SORCS3: variants seen among roughly 807,000 people sequenced by gnomAD.
The protein encoded by SORCS3 is sortilin related VPS10 domain containing receptor 3.
SORCS3 carries 57 observed loss-of-function variants against 146.3 expected under a neutral mutation model. That is an observed-to-expected ratio of 0.39 (90% CI 0.31 to 0.49). The LOEUF (loss-of-function observed/expected upper bound fraction) is 0.49, where lower values mean the gene tolerates loss of function less well. Among genes scored for constraint, SORCS3 ranks in the 20% least tolerant of loss-of-function variants. The pLI is 0.92. For synonymous variants in SORCS3, 653 were observed against 618.5 expected, an observed-to-expected ratio of 1.06 and a Z score of -0.83; for missense variants, 1,341 against 1,575.5, an observed-to-expected ratio of 0.85 and a Z score of 2.52.
intron 20 of SORCS3, among the ~76,000 whole-genome samples, chr10:105,232,654 T>A (rs888240932): frequency 1.3e-5 from 2 of 151,928 alleles, no homozygotes; most frequent in African/African-American, 4.8e-5. Context: ...TTTTAATATA[T>A]ACACTCAATG....
intron 19 of SORCS3, among the ~76,000 whole-genome samples, chr10:105,218,611 T>A (rs951808193): frequency 6.6e-6 from 1 of 152,234 alleles, no homozygotes; most frequent in East Asian, 1.9e-4. Flanking sequence ...ACGGTGTTCA[T>A]GAGCCCAGGC....
At chr10:104,973,692 T>A (rs182137280) in intron 3 of SORCS3, among the ~76,000 whole-genome samples, 236 of 151,116 alleles carry the variant, frequency 1.6e-3, no homozygotes, top group African/African-American at 5.6e-3. Context: ...TGTCTCTGTT[T>A]CCTTCAGTTC....
chr10:104,813,486 C>T (rs1424021070), intron 1 of SORCS3, among the ~76,000 whole-genome samples: 3 of 152,140 alleles, frequency 2.0e-5, no homozygotes, highest in Non-Finnish European at 4.4e-5. Flanking sequence ...GATGGGATCA[C>T]AGAAGGGGCT....
At chr10:104,642,643 C>T (rs569980048) in intron 1 of SORCS3, among the ~76,000 whole-genome samples, 41 of 152,308 alleles carry the variant, frequency 2.7e-4, no homozygotes, top group Middle Eastern at 6.8e-3. Context: ...AAATTCCACA[C>T]CCATCCAGCG....
rs1439266019 is a variant in SORCS3 at position 105,245,645 on chromosome 10, C to A, written c.2972C>A (p.Thr991Lys). ...VAAGNALIQDTKEIAVHEYFQ... is the reference protein window; with the variant it reads ...VAAGNALIQDKKEIAVHEYFQ... ...GCTGGGAATGCCCTCATCCAGGACA[C>A]AAAAGAGATTGCAGTTCATGGTAAG... The change falls in exon 21 of 27, where the codon ACA becomes AAA. Residue 991 changes from threonine (T) to lysine (K), a missense_variant. Transcript: ENST00000369701. 2 of 1,613,972 alleles carry A rather than the reference C, an allele frequency of 1.2e-6. No homozygotes were observed. Among genetic ancestry groups the A allele is most frequent in the East Asian group, 4.5e-5 (2 of 44,872 alleles).
chr10:104,997,491 C>A (rs2055034060), intron 4 of SORCS3, among the ~76,000 whole-genome samples: 1 of 152,132 alleles, frequency 6.6e-6, no homozygotes. Context: ...TCAGGCAATA[C>A]CCTGACTCTA....
chr10:104,721,761 T>C (rs1026741974), intron 1 of SORCS3, among the ~76,000 whole-genome samples: 5 of 152,090 alleles, frequency 3.3e-5, no homozygotes, highest in Non-Finnish European at 7.4e-5. Flanking sequence ...AGTTCACTCA[T>C]GATTTGGCTC....
rs1589498654 is a variant in SORCS3 at position 104,786,352 on chromosome 10, G to A, written c.628-56440G>A. Among the ~76,000 whole-genome samples the A allele has an allele frequency of 3.3e-5, 5 of 151,530 alleles. 2 individuals are homozygous for A. In the South Asian group the frequency reaches 1.0e-3, roughly 32 times the overall value. ...AGATCACCTGAGGTCAGAAGTTCGAGACCAACCTGGCTGACAAAACCCTGT... is the reference window on the plus strand; with the variant it reads ...AGATCACCTGAGGTCAGAAGTTCGAAACCAACCTGGCTGACAAAACCCTGT... On this transcript the variant is annotated intron_variant, in intron 1 of 26. Transcript: ENST00000369701.
chr10:105,163,519 G>C (rs1034209533), intron 11 of SORCS3, among the ~76,000 whole-genome samples: 12 of 152,112 alleles, frequency 7.9e-5, no homozygotes, highest in Non-Finnish European at 8.8e-5. Flanking sequence ...GCCTCTTTTA[G>C]GCTGTGAGAA....
Position 105,225,401 on chromosome 10 carries a change from A to C in SORCS3, c.2868+2152A>C, listed in dbSNP as rs777356247. Among the ~76,000 whole-genome samples the C allele has an allele frequency of 2.0e-5, 3 of 151,822 alleles. No individual in the cohort carries two copies. The South Asian group carries it at 6.2e-4, about 32-fold the overall frequency. ...AAAATAAGTTGATTACACTTATGTG[A>C]GTCTATTTCTGGGCTATTTATTTGG... On this transcript the variant is annotated intron_variant, in intron 20 of 26. Coordinates refer to ENST00000369701, the MANE Select transcript of SORCS3 (RefSeq NM_014978.3).
chr10:104,919,673 G>A (rs890312405), intron 3 of SORCS3, among the ~76,000 whole-genome samples: 4 of 151,836 alleles, frequency 2.6e-5, no homozygotes, highest in African/African-American at 9.7e-5. Context: ...TGGGCAACAA[G>A]AGTGAAACTC....
chr10:104,978,243 A>G (rs1386124251), intron 4 of SORCS3, among the ~76,000 whole-genome samples: 1 of 152,140 alleles, frequency 6.6e-6, no homozygotes, highest in Non-Finnish European at 1.5e-5. Context: ...CCATCACACT[A>G]TGCCACCTTG....
intron 3 of SORCS3, among the ~76,000 whole-genome samples, chr10:104,929,436 C>A (rs1048614405): frequency 6.6e-6 from 1 of 152,198 alleles, no homozygotes; most frequent in Admixed American, 6.5e-5. Context: ...AGAAAAAGTT[C>A]TTTCAACTTC....
At chr10:105,191,899 A>G (rs1215887283) in intron 14 of SORCS3, among the ~76,000 whole-genome samples, 1 of 152,170 alleles carries the variant, frequency 6.6e-6, no homozygotes, top group Non-Finnish European at 1.5e-5. Context: ...AACATTTAAT[A>G]TATTTCAACA....
At chr10:105,171,542 G>A (rs1159101410) in intron 13 of SORCS3, among the ~76,000 whole-genome samples, 1 of 152,152 alleles carries the variant, frequency 6.6e-6, no homozygotes, top group Non-Finnish European at 1.5e-5. Context: ...GGCCTTTTGT[G>A]TTTCTTTGGT....
At chr10:104,753,083 T>C (rs1266008455) in intron 1 of SORCS3, among the ~76,000 whole-genome samples, 1 of 152,236 alleles carries the variant, frequency 6.6e-6, no homozygotes, top group Non-Finnish European at 1.5e-5. Flanking sequence ...AGTAGGAGTA[T>C]GTTCACTCTA....
intron 5 of SORCS3, among the ~76,000 whole-genome samples, chr10:105,066,242 T>G (rs959567679): frequency 1.3e-5 from 2 of 152,174 alleles, no homozygotes; most frequent in Admixed American, 1.3e-4. Context: ...GTCCCATCCC[T>G]CCTGAAATAT....
intron 15 of SORCS3, 40 bp downstream of exon 15, chr10:105,200,156 G>C (rs1343566605): frequency 6.6e-7 from 1 of 1,522,652 alleles, no homozygotes; most frequent in Non-Finnish European, 9.1e-7. Context: ...CTTTGAGGAG[G>C]AGGAGCTAGT....
At chr10:104,904,122 A>T (rs750765478) in intron 2 of SORCS3, among the ~76,000 whole-genome samples, 5 of 152,202 alleles carry the variant, frequency 3.3e-5, no homozygotes, top group Non-Finnish European at 5.9e-5. Context: ...AAAAGTATAA[A>T]GGAGTCCTGA....
Sources: allele counts gnomAD v4.1 joint callset (sites outside exome capture counted in the v4.1 genomes callset), GRCh38; gene constraint gnomAD v4.1.1; transcripts MANE v1.5; gene names NCBI Gene and HGNC (gene_info 2026-07-23, HGNC 2026-07-21).